The following ZMYM4 variants were observed in gnomAD, a reference collection of about 807,000 sequenced individuals.
ZMYM4 encodes the protein zinc finger MYM-type protein 4.
A neutral mutation model predicts 183.2 loss-of-function variants in ZMYM4; 31 were observed. The ratio of observed to expected loss-of-function variants is 0.17; its 90% CI spans 0.13 to 0.23. ZMYM4 has a LOEUF of 0.23. ZMYM4 is among the 10% of genes least tolerant of loss of function. ZMYM4 has a pLI of 1.00. For missense variants in ZMYM4, 1,273 were observed against 1,840.3 expected (o/e 0.69, Z 5.64); for synonymous variants, 592 against 631.2 (o/e 0.94, Z 0.93).
chr1:35,284,267 C>T (rs559126241), intron 1 of ZMYM4, among the ~76,000 whole-genome samples: 61 of 152,272 alleles, frequency 4.0e-4, no homozygotes, highest in Non-Finnish European at 6.8e-4. Context: ...TGAGCCACCG[C>T]GCCCGGCCAA....
chr1:35,362,526 G>A (rs1250070841), intron 5 of ZMYM4, among the ~76,000 whole-genome samples: 5 of 152,222 alleles, frequency 3.3e-5, no homozygotes, highest in African/African-American at 1.2e-4. Context: ...ATATGCAATA[G>A]CAGCAATTAT....
intron 7 of ZMYM4, among the ~76,000 whole-genome samples, chr1:35,379,544 C>T (rs1044404398): frequency 6.6e-6 from 1 of 152,260 alleles, no homozygotes; most frequent in Admixed American, 6.5e-5. Flanking sequence ...CCAACTGTTG[C>T]GCTTTCTTAT....
intron 1 of ZMYM4, among the ~76,000 whole-genome samples, chr1:35,272,323 G>A (rs1233908269): frequency 6.6e-6 from 1 of 152,194 alleles, no homozygotes; most frequent in African/African-American, 2.4e-5. Context: ...CAAAAAAGTT[G>A]CTAAGCACCT....
At chr1:35,358,430 G>A (rs1248266162) in intron 2 of ZMYM4, among the ~76,000 whole-genome samples, 1 of 151,892 alleles carries the variant, frequency 6.6e-6, no homozygotes, top group Non-Finnish European at 1.5e-5. Context: ...GCTAATCTCA[G>A]TTTTCCCTGA....
chr1:35,269,736 G>A (rs1639502835), intron 1 of ZMYM4, among the ~76,000 whole-genome samples: 1 of 152,146 alleles, frequency 6.6e-6, no homozygotes, highest in Non-Finnish European at 1.5e-5. Context: ...TCATAACAGG[G>A]ATGTACCCAA....
intron 5 of ZMYM4, among the ~76,000 whole-genome samples, chr1:35,368,909 C>G (rs992991848): frequency 1.3e-5 from 2 of 151,984 alleles, no homozygotes; most frequent in Non-Finnish European, 2.9e-5. Flanking sequence ...TCTTCATGGA[C>G]CTTGCATAAA....
At chr1:35,323,293 C>A (rs189986984) in intron 1 of ZMYM4, among the ~76,000 whole-genome samples, 1 of 152,154 alleles carries the variant, frequency 6.6e-6, no homozygotes, top group Admixed American at 6.6e-5. Context: ...TGAGCCACTG[C>A]ACCCGGCTGG....
At chr1:35,342,443 C>T (rs977146456) in intron 2 of ZMYM4, among the ~76,000 whole-genome samples, 1 of 152,034 alleles carries the variant, frequency 6.6e-6, no homozygotes, top group African/African-American at 2.4e-5. Context: ...TTACACTGCT[C>T]TTGGCCTCCA....
chr1:35,392,183 G>C (rs1558154973), intron 15 of ZMYM4, 29 bp from the exon 16 acceptor site: 29 of 1,613,766 alleles, frequency 1.8e-5, no homozygotes, highest in Non-Finnish European at 2.4e-5. Flanking sequence ...ATCACGTGAG[G>C]TTTCCTTATT....
chr1:35,405,707 A>G (rs1644990067), intron 25 of ZMYM4, among the ~76,000 whole-genome samples: 1 of 151,964 alleles, frequency 6.6e-6, no homozygotes, highest in African/African-American at 2.4e-5. Context: ...AAGTGCCTCA[A>G]AATATGTCTT....
At position 35,421,488 on chromosome 1, in the gene ZMYM4, T is replaced by A. The variant is rs1640323835; in HGVS notation, c.*1811T>A. The A allele has an allele frequency of 6.6e-6, 1 of 152,642 alleles. No homozygotes were observed. Among genetic ancestry groups the A allele is most frequent in the African/African-American group, 2.4e-5 (1 of 41,462 alleles). The allele number at this position is 152,642 out of a possible 1,614,324, so 9.5% of individuals were successfully genotyped here. On this transcript the variant is annotated 3_prime_UTR_variant, in exon 30 of 30. Coordinates refer to ENST00000314607, the MANE Select transcript of ZMYM4 (RefSeq NM_005095.3). ...GTCCCCACTATACGAATTTTATGGTTTGTATAAACACTAACATTTTCCCCT... is the reference window on the plus strand; with the variant it reads ...GTCCCCACTATACGAATTTTATGGTATGTATAAACACTAACATTTTCCCCT...
At chr1:35,404,330 G>A (rs1308215291) in intron 23 of ZMYM4, among the ~76,000 whole-genome samples, 3 of 152,130 alleles carry the variant, frequency 2.0e-5, no homozygotes, top group Non-Finnish European at 4.4e-5. Context: ...CAGAGTGCTG[G>A]CATTACAGGT....
At chr1:35,313,458 A>C (rs1408648498) in intron 1 of ZMYM4, among the ~76,000 whole-genome samples, 1 of 143,918 alleles carries the variant, frequency 6.9e-6, no homozygotes, top group Non-Finnish European at 1.5e-5. Flanking sequence ...GCACGATCTC[A>C]GCCCACTGCA....
chr1:35,355,661 T>G (rs944865132), intron 2 of ZMYM4, among the ~76,000 whole-genome samples: 1 of 152,200 alleles, frequency 6.6e-6, no homozygotes, highest in African/African-American at 2.4e-5. Context: ...AAAGTCACAT[T>G]TGATCTTTTA....
intron 7 of ZMYM4, 51 bp downstream of exon 7, chr1:35,370,678 A>G (rs746915321): frequency 2.0e-6 from 3 of 1,488,096 alleles, no homozygotes; most frequent in Non-Finnish European, 2.7e-6. Flanking sequence ...TTCTCTTAAC[A>G]TACTTTGTTC....
At position 35,399,123 on chromosome 1, in the gene ZMYM4, G is replaced by A. The variant is rs1644858323; in HGVS notation, c.3433+80G>A. ...AACTCTGAATTGACACTATTAAGCA[G>A]TGCCAATTGTTATTGATAATAACAG... On this transcript the variant is annotated intron_variant, in intron 22 of 29. Coordinates refer to ENST00000314607, the MANE Select transcript of ZMYM4 (RefSeq NM_005095.3). 9 of 1,365,376 alleles carry A rather than the reference G, an allele frequency of 6.6e-6. No homozygotes were observed. In the East Asian group the frequency reaches 1.9e-4, roughly 29 times the overall value. The allele number at this position is 1,365,376 out of a possible 1,614,324, so 84.6% of individuals were successfully genotyped here. A position where few individuals can be genotyped will look rare whatever the true frequency, so the allele number is the denominator to read the frequency against.
chr1:35,408,252 A>G (rs759538637), intron 26 of ZMYM4, 93 bp downstream of exon 26: 4 of 1,404,396 alleles, frequency 2.8e-6, no homozygotes, highest in Non-Finnish European at 3.9e-6. Flanking sequence ...ACACACCCAG[A>G]TATATACTGG....
At chr1:35,365,239 CTTTTTT>C (rs746304675) in intron 5 of ZMYM4, among the ~76,000 whole-genome samples, 4 of 85,326 alleles carry the variant, frequency 4.7e-5, no homozygotes, top group South Asian at 4.0e-4. Flanking sequence ...TAATCAAAGT[CTTTTTT>C]TTTTTTTTTT....
At chr1:35,310,731 A>T (rs577766032) in intron 1 of ZMYM4, among the ~76,000 whole-genome samples, 1 of 152,084 alleles carries the variant, frequency 6.6e-6, no homozygotes, top group African/African-American at 2.4e-5. Flanking sequence ...GGCATGCACC[A>T]TCACACGCAG....
Sources: gnomAD v4.1 joint callset for allele counts (sites outside exome capture counted in the v4.1 genomes callset) on GRCh38, gnomAD v4.1.1 for gene constraint, MANE v1.5 for transcripts, NCBI Gene and HGNC (gene_info 2026-07-23, HGNC 2026-07-21) for gene names.